The following LMTK2 variants were observed in gnomAD, a reference collection of about 807,000 sequenced individuals.
LMTK2 encodes the protein serine/threonine-protein kinase LMTK2.
In LMTK2, 37 loss-of-function variants were observed where a neutral mutation model predicts 127.5. The ratio of observed to expected loss-of-function variants is 0.29; its 90% CI spans 0.22 to 0.38. The LOEUF is 0.38. LMTK2 is among the 10% of genes least tolerant of loss of function. LMTK2 has a pLI of 1.00. For missense variants in LMTK2, 1,694 were observed against 1,920.3 expected (o/e 0.88, Z 2.20); for synonymous variants, 819 against 810.1 (o/e 1.01, Z -0.19).
At chr7:98,108,705 G>A (rs1488547515) in intron 1 of LMTK2, among the ~76,000 whole-genome samples, 1 of 152,172 alleles carries the variant, frequency 6.6e-6, no homozygotes, top group African/African-American at 2.4e-5. Context: ...TAAAGATATT[G>A]ATATTGAAAG....
intron 7 of LMTK2, among the ~76,000 whole-genome samples, chr7:98,175,699 T>A (rs528922750): frequency 1.3e-5 from 2 of 152,364 alleles, no homozygotes; most frequent in East Asian, 3.9e-4. Flanking sequence ...TCCTGACCTT[T>A]GTATCTCCCA....
At chr7:98,167,034 G>T (rs1475810923) in intron 6 of LMTK2, among the ~76,000 whole-genome samples, 1 of 152,122 alleles carries the variant, frequency 6.6e-6, no homozygotes, top group Non-Finnish European at 1.5e-5. Flanking sequence ...CCAGAGTAAT[G>T]AAGTAATAAA....
intron 11 of LMTK2, among the ~76,000 whole-genome samples, chr7:98,200,787 G>T (rs900783876): frequency 2.0e-5 from 3 of 152,170 alleles, no homozygotes; most frequent in Non-Finnish European, 2.9e-5. Context: ...TAAATGCTAT[G>T]AAAATAGTTG....
chr7:98,187,000 T>C lies in LMTK2; in HGVS notation c.998+2T>C. The C allele has an allele frequency of 6.2e-7, 1 of 1,610,624 alleles. No individual in the cohort carries two copies. On this transcript the variant is annotated splice_donor_variant, in intron 9 of 13. Coordinates refer to ENST00000297293, the MANE Select transcript of LMTK2 (RefSeq NM_014916.4). LOFTEE classifies it high-confidence loss of function. Reference sequence around the variant, plus strand: ...TCAGACTAAGTATAGTAATATCTGGTACGTATTGGCTTACCGTTTTATTAG... The same window carrying C: ...TCAGACTAAGTATAGTAATATCTGGCACGTATTGGCTTACCGTTTTATTAG...
At chr7:98,119,403 C>T (rs936224579) in intron 1 of LMTK2, among the ~76,000 whole-genome samples, 1 of 152,182 alleles carries the variant, frequency 6.6e-6, no homozygotes, top group African/African-American at 2.4e-5. Context: ...GCTCACTCAT[C>T]CTGAGCACCA....
intron 1 of LMTK2, among the ~76,000 whole-genome samples, chr7:98,134,949 T>C (rs1445600712): frequency 6.6e-6 from 1 of 152,250 alleles, no homozygotes; most frequent in Non-Finnish European, 1.5e-5. Context: ...TCCTCTGTTT[T>C]AGACTTTGTT....
Position 98,194,152 on chromosome 7 carries a change from G to A in LMTK2, c.3687G>A (p.Gly1229=). Residue 1229 remains glycine, a synonymous_variant, in exon 11 of 14, where the codon GGG becomes GGA. Transcript: ENST00000297293. The surrounding 1 kb of genome is among the most constrained non-coding windows in gnomAD (Gnocchi z 5.4). ...DDRPCTLAST[G]TNTNELLAYT... ...GCCCCTGCACCCTCGCTTCCACGGG[G>A]ACCAACACGAACGAACTCCTTGCCT... 8 of 1,613,998 alleles carry A rather than the reference G, an allele frequency of 5.0e-6. No individual in the cohort carries two copies. Among genetic ancestry groups the A allele is most frequent in the East Asian group, 2.2e-5 (1 of 44,870 alleles).
At chr7:98,167,565 G>A (rs1030788659) in intron 6 of LMTK2, among the ~76,000 whole-genome samples, 3 of 152,234 alleles carry the variant, frequency 2.0e-5, no homozygotes. Context: ...GGATGTGGCT[G>A]CCTAGAGGCA....
At position 98,205,348 on chromosome 7, in the gene LMTK2, G is replaced by C. The variant is rs1797773763; in HGVS notation, c.4484-116G>C. ...CAGGAAGGGCGGCTCAGGCGGTGCTGGGCTCAAAACACCCGCTTCCGTTCC... is the reference window on the plus strand; with the variant it reads ...CAGGAAGGGCGGCTCAGGCGGTGCTCGGCTCAAAACACCCGCTTCCGTTCC... On this transcript the variant is annotated intron_variant, in intron 13 of 13. Transcript: ENST00000297293. 3.2e-6 allele frequency: 4 copies of C among 1,268,166 alleles called. No individual in the cohort carries two copies. The African/African-American group carries it at 5.9e-5, about 19-fold the overall frequency. The allele number at this position is 1,268,166 out of a possible 1,614,324, so 78.6% of individuals were successfully genotyped here.
chr7:98,107,719 G>A (rs1796135045), intron 1 of LMTK2, among the ~76,000 whole-genome samples: 1 of 152,084 alleles, frequency 6.6e-6, no homozygotes, highest in South Asian at 2.1e-4. Flanking sequence ...GTTTGTTTTC[G>A]CTCCTTGCAA....
chr7:98,144,063 A>G (rs544294442), intron 3 of LMTK2, among the ~76,000 whole-genome samples: 1 of 152,220 alleles, frequency 6.6e-6, no homozygotes, highest in Non-Finnish European at 1.5e-5. Flanking sequence ...CTTTTTTTCT[A>G]TTTTTAAAAT....
intron 5 of LMTK2, among the ~76,000 whole-genome samples, chr7:98,156,443 C>A (rs140436069): frequency 2.0e-5 from 3 of 149,492 alleles, no homozygotes. Flanking sequence ...CCAGCCTGGG[C>A]GACAGAACAA....
chr7:98,154,040 A>T (rs906680817), intron 4 of LMTK2, among the ~76,000 whole-genome samples: 22 of 152,202 alleles, frequency 1.4e-4, no homozygotes, highest in Non-Finnish European at 1.2e-4. Flanking sequence ...TTTTATTTTG[A>T]TCATTCTCTT....
At chr7:98,137,204 A>G (rs1192999279) in intron 1 of LMTK2, 111 bp from the exon 2 acceptor site, 3 of 972,092 alleles carry the variant, frequency 3.1e-6, no homozygotes, top group Non-Finnish European at 4.5e-6. Context: ...CTCGAGCATT[A>G]TTTTATTAAC....
At chr7:98,173,264 C>T (rs1453650080) in intron 7 of LMTK2, among the ~76,000 whole-genome samples, 1 of 151,218 alleles carries the variant, frequency 6.6e-6, no homozygotes. Context: ...ACATTTATAT[C>T]TTGTTTGATT....
At chr7:98,180,696 TA>T (rs2116441764) in intron 7 of LMTK2, among the ~76,000 whole-genome samples, 1 of 152,206 alleles carries the variant, frequency 6.6e-6, no homozygotes, top group East Asian at 1.9e-4. Context: ...AGGGGAAAAA[TA>T]AACATTTTTA....
intron 1 of LMTK2, among the ~76,000 whole-genome samples, chr7:98,124,010 G>C (rs979099473): frequency 6.6e-6 from 1 of 151,982 alleles, no homozygotes; most frequent in African/African-American, 2.4e-5. Flanking sequence ...TATAGTTGTT[G>C]TTTTTTATTA....
At chr7:98,145,450 A>G (rs1413815062) in intron 3 of LMTK2, among the ~76,000 whole-genome samples, 2 of 152,142 alleles carry the variant, frequency 1.3e-5, no homozygotes, top group African/African-American at 4.8e-5. Flanking sequence ...GATTAAAATA[A>G]TACCTTTTTA....
At position 98,171,718 on chromosome 7, in the gene LMTK2, G is replaced by A. The variant is rs757149076; in HGVS notation, c.791+44G>A. Reference sequence around the variant, plus strand: ...GGTGCACGCCCCACACAGCACCGGCGGGACAGTCCAGAGAGGCTGCCGAGT... The same window carrying A: ...GGTGCACGCCCCACACAGCACCGGCAGGACAGTCCAGAGAGGCTGCCGAGT... On this transcript the variant is annotated intron_variant, in intron 7 of 13. Coordinates refer to ENST00000297293, the MANE Select transcript of LMTK2 (RefSeq NM_014916.4). This position sits in a 1 kb window ranked among gnomAD's most constrained non-coding sequence, Gnocchi z 5.1. 13 of 1,515,962 alleles carry A rather than the reference G, an allele frequency of 8.6e-6. No individual in the cohort carries two copies. In the East Asian group the frequency reaches 9.1e-5, roughly 11 times the overall value. The allele number at this position is 1,515,962 out of a possible 1,614,324, so 93.9% of individuals were successfully genotyped here.
Sources: allele counts gnomAD v4.1 joint callset (sites outside exome capture counted in the v4.1 genomes callset), GRCh38; gene constraint gnomAD v4.1.1; non-coding constraint Gnocchi (gnomAD v3.1); transcripts MANE v1.5; gene names NCBI Gene and HGNC (gene_info 2026-07-23, HGNC 2026-07-21).